The following FAM81A variants were observed in gnomAD, a reference collection of about 807,000 sequenced individuals.
FAM81A encodes the protein protein FAM81A.
In FAM81A, 19 loss-of-function variants were observed where a neutral mutation model predicts 46.7. The ratio of observed to expected loss-of-function variants is 0.41; its 90% CI spans 0.28 to 0.60. FAM81A has a LOEUF of 0.60. Among genes scored for constraint, FAM81A ranks in the 20% least tolerant of loss-of-function variants. FAM81A has a pLI of 0.34. For synonymous variants in FAM81A, 183 were observed against 152.9 expected (o/e 1.20, Z -1.45); for missense variants, 377 against 453.5 (o/e 0.83, Z 1.53).
At chr15:59,463,980 A>G (rs1332159339) in intron 3 of FAM81A, among the ~76,000 whole-genome samples, 3 of 151,960 alleles carry the variant, frequency 2.0e-5, no homozygotes, top group Non-Finnish European at 2.9e-5. Context: ...CCCCCTACCC[A>G]TCCCATCCTC....
intron 6 of FAM81A, among the ~76,000 whole-genome samples, chr15:59,512,477 A>C (rs1191256410): frequency 6.6e-6 from 1 of 150,578 alleles, no homozygotes; most frequent in African/African-American, 2.4e-5. Flanking sequence ...ATCTCAAAAA[A>C]AAAAAAAAAA....
chr15:59,503,058 A>G (rs931151794), intron 4 of FAM81A, among the ~76,000 whole-genome samples: 1 of 151,986 alleles, frequency 6.6e-6, no homozygotes, highest in Non-Finnish European at 1.5e-5. Flanking sequence ...CCTCGCCAAC[A>G]TGGTGAAAAC....
intron 3 of FAM81A, among the ~76,000 whole-genome samples, chr15:59,491,527 CAA>C (rs1215650120): frequency 6.6e-6 from 1 of 151,540 alleles, no homozygotes; most frequent in Non-Finnish European, 1.5e-5. Flanking sequence ...TGACTGTAGT[CAA>C]TAATAATTTA....
intron 1 of FAM81A, among the ~76,000 whole-genome samples, chr15:59,450,442 A>G (rs1296011858): frequency 2.6e-5 from 4 of 152,100 alleles, no homozygotes; most frequent in Non-Finnish European, 5.9e-5. Context: ...TTATTAGGTC[A>G]TTAGGTTTGT....
chr15:59,409,493 C>A (rs2081111314), intron 2 of FAM81A, among the ~76,000 whole-genome samples: 1 of 152,122 alleles, frequency 6.6e-6, no homozygotes, highest in African/African-American at 2.4e-5. Context: ...GGAACAAAGT[C>A]TTTTCAAAGC....
chr15:59,478,113 A>G (rs549619517), intron 3 of FAM81A, among the ~76,000 whole-genome samples: 1 of 152,184 alleles, frequency 6.6e-6, no homozygotes, highest in East Asian at 1.9e-4. Flanking sequence ...TGCCAGTTTG[A>G]TGGCTGGGGG....
rs200335806 is a variant in FAM81A, at chr15:59,478,762, G to T, written c.295-13509G>T. On this transcript the variant is annotated intron_variant, in intron 3 of 8. Transcript: ENST00000288228. ...TATTTATTCAGTTCTGTTGACAGAG[G>T]TTTTTCAATGTAAATGAATAAATTA... Among the ~76,000 whole-genome samples, 6 of 147,174 alleles carry T rather than the reference G, an allele frequency of 4.1e-5. No individual in the cohort carries two copies. The Admixed American group carries it at 4.1e-4, about 10-fold the overall frequency.
At chr15:59,418,696 G>A (rs1253234730) in intron 2 of FAM81A, among the ~76,000 whole-genome samples, 2 of 152,208 alleles carry the variant, frequency 1.3e-5, no homozygotes. Flanking sequence ...GCTAACATGG[G>A]GAAAGAGCTT....
At chr15:59,482,440 T>A (rs1799547369) in intron 3 of FAM81A, among the ~76,000 whole-genome samples, 1 of 152,192 alleles carries the variant, frequency 6.6e-6, no homozygotes, top group South Asian at 2.1e-4. Context: ...GGCTAATTTT[T>A]GTATTTTTAG....
chr15:59,481,766 C>T (rs1596512305), intron 3 of FAM81A, among the ~76,000 whole-genome samples: 3 of 151,806 alleles, frequency 2.0e-5, no homozygotes, highest in African/African-American at 7.3e-5. Flanking sequence ...AGGTTATGAA[C>T]ATTATGAATA....
rs148536889 is a variant in FAM81A, at chr15:59,479,240, G to A, written c.295-13031G>A. Among the ~76,000 whole-genome samples the A allele has an allele frequency of 5.2e-3, 796 of 152,268 alleles. 5 individuals are homozygous for A. Among genetic ancestry groups the A allele is most frequent in the African/African-American group, 0.018 (767 of 41,560 alleles). On this transcript the variant is annotated intron_variant, in intron 3 of 8. Coordinates refer to ENST00000288228, the MANE Select transcript of FAM81A (RefSeq NM_152450.3). Reference sequence around the variant, plus strand: ...CTTAGAAAGGATGGTGGCCGGGCGCGGTGGCTCATGCCTGTAATCCCAGCA... The same window carrying A: ...CTTAGAAAGGATGGTGGCCGGGCGCAGTGGCTCATGCCTGTAATCCCAGCA...
intron 1 of FAM81A, among the ~76,000 whole-genome samples, chr15:59,399,775 T>C (rs867444542): frequency 3.9e-5 from 6 of 152,286 alleles, no homozygotes; most frequent in Non-Finnish European, 7.4e-5. Context: ...GCTCTCCTCC[T>C]TTCCTCCTGC....
chr15:59,514,211 A>G, intron 6 of FAM81A, 78 bp from the exon 7 acceptor site: 1 of 1,385,246 alleles, frequency 7.2e-7, no homozygotes, highest in Non-Finnish European at 9.6e-7. Flanking sequence ...TATATCCTCA[A>G]CATGTACCCT....
chr15:59,421,869 CTCTA>C (rs59527837), intron 2 of FAM81A, among the ~76,000 whole-genome samples: 36,846 of 146,770 alleles, frequency 0.25, 4,717 homozygotes, highest in Middle Eastern at 0.35. Flanking sequence ...ACCCTCAACC[CTCTA>C]TCTATCTATC....
At position 59,460,276 on chromosome 15, in the gene FAM81A, A is replaced by T; in HGVS notation, c.294+70A>T. 3 of 1,594,424 alleles carry T rather than the reference A, an allele frequency of 1.9e-6. No individual in the cohort carries two copies. Among genetic ancestry groups the T allele is most frequent in the Non-Finnish European group, 2.6e-6 (3 of 1,163,232 alleles). On this transcript the variant is annotated intron_variant, in intron 3 of 8. Coordinates refer to ENST00000288228, the MANE Select transcript of FAM81A (RefSeq NM_152450.3). This position sits in a 1 kb window ranked among gnomAD's most constrained non-coding sequence, Gnocchi z 4.4. ...ATTGCTCCATGTCAGGAGGTCACCC[A>T]CATCTAACTCCTACCTCCCAGGCAG...
intron 2 of FAM81A, among the ~76,000 whole-genome samples, chr15:59,425,333 A>C (rs1350539809): frequency 1.3e-5 from 2 of 152,236 alleles, no homozygotes; most frequent in Non-Finnish European, 2.9e-5. Context: ...AGATGAAGCC[A>C]GAATTTGAAT....
intron 2 of FAM81A, among the ~76,000 whole-genome samples, chr15:59,402,949 A>G (rs942276649): frequency 4.6e-5 from 7 of 152,274 alleles, no homozygotes; most frequent in Admixed American, 2.6e-4. Context: ...TTGAGATATT[A>G]TGATTGTTGT....
intron 4 of FAM81A, among the ~76,000 whole-genome samples, chr15:59,506,507 T>C (rs2141815360): frequency 6.6e-6 from 1 of 152,350 alleles, no homozygotes; most frequent in East Asian, 1.9e-4. Context: ...AATGGCATTC[T>C]GTCTCTACTG....
chr15:59,472,889 G>T (rs1279944014), intron 3 of FAM81A, among the ~76,000 whole-genome samples: 1 of 152,102 alleles, frequency 6.6e-6, no homozygotes, highest in Non-Finnish European at 1.5e-5. Flanking sequence ...TTTGGATGCT[G>T]GTATCTATAT....
Sources: allele counts gnomAD v4.1 joint callset (sites outside exome capture counted in the v4.1 genomes callset), GRCh38; gene constraint gnomAD v4.1.1; non-coding constraint Gnocchi (gnomAD v3.1); transcripts MANE v1.5; gene names NCBI Gene and HGNC (gene_info 2026-07-23, HGNC 2026-07-21).